Variants in LMNB1 observed in about 807,000 individuals in gnomAD.
LMNB1 encodes the protein lamin-B1.
Under a neutral mutation model 67.1 loss-of-function variants are expected in LMNB1, and 23 were observed. The ratio of observed to expected loss-of-function variants is 0.34; its 90% confidence interval spans 0.25 to 0.49. The LOEUF is 0.49. Ranked by LOEUF, LMNB1 falls within the 20% of genes least tolerant of loss-of-function variation. The pLI, the probability that LMNB1 is intolerant of heterozygous loss-of-function variation, is 0.99. For synonymous variants in LMNB1, 281 were observed against 282.9 expected (o/e 0.99, Z 0.07); for missense variants, 634 against 746.5 (o/e 0.85, Z 1.76).
At chr5:126,811,548 C>T (rs1751577264) in intron 4 of LMNB1, among the ~76,000 whole-genome samples, 1 of 152,002 alleles carries the variant, frequency 6.6e-6, no homozygotes, top group East Asian at 1.9e-4. Context: ...GGGTAAAGGC[C>T]TAGGTATATT....
chr5:126,833,197 C>G (rs1253716763), intron 10 of LMNB1, among the ~76,000 whole-genome samples: 2 of 152,154 alleles, frequency 1.3e-5, no homozygotes, highest in Admixed American at 6.5e-5. Flanking sequence ...AAGTAATATT[C>G]AACTTCAGTG....
chr5:126,795,815 C>T (rs922046226), intron 1 of LMNB1, among the ~76,000 whole-genome samples: 5 of 150,792 alleles, frequency 3.3e-5, no homozygotes, highest in African/African-American at 7.3e-5. Context: ...GTTAGTTAGA[C>T]GGGGCTTCAC....
At chr5:126,795,933 C>CT (rs70997314) in intron 1 of LMNB1, among the ~76,000 whole-genome samples, 2,986 of 82,062 alleles carry the variant, frequency 0.036, 271 homozygotes, top group Admixed American at 0.063. Context: ...GCCCAGGATG[C>CT]TTTTTTTTTT....
chr5:126,804,416 T>C (rs1751364634), intron 1 of LMNB1, among the ~76,000 whole-genome samples: 1 of 152,154 alleles, frequency 6.6e-6, no homozygotes, highest in African/African-American at 2.4e-5. Flanking sequence ...TTTTGGCTTA[T>C]AATATGCATT....
chr5:126,833,667 T>A, intron 10 of LMNB1, among the ~76,000 whole-genome samples: 1 of 152,244 alleles, frequency 6.6e-6, no homozygotes, highest in African/African-American at 2.4e-5. Flanking sequence ...ACAAGTTCCA[T>A]TTTCTGTGCT....
At chr5:126,783,371 ATATAAGAGTTATAAAACTAGTTTTCTT>A (rs759630050) in intron 1 of LMNB1, among the ~76,000 whole-genome samples, 11,908 of 151,802 alleles carry the variant, frequency 0.078, 528 homozygotes, top group Non-Finnish European at 0.1. Context: ...ATAACTTAAA[ATATAAGAGTTATAAAACTAGTTTTCTT>A]TATAAGAGTT....
At chr5:126,817,848 G>T (rs1415421171) in intron 5 of LMNB1, among the ~76,000 whole-genome samples, 4 of 152,070 alleles carry the variant, frequency 2.6e-5, no homozygotes, top group Admixed American at 6.6e-5. Flanking sequence ...GATTCTGAGG[G>T]CCTAAGCTAT....
chr5:126,787,546 A>ATATATATATATATTTTTTTTTTT, intron 1 of LMNB1, among the ~76,000 whole-genome samples: 2 of 65,574 alleles, frequency 3.0e-5, no homozygotes, highest in Non-Finnish European at 5.5e-5. Context: ...ATATATATAT[A>ATATATATATATATTTTTTTTTTT]TTTTTTTTTT....
rs1318710112 is a variant in LMNB1, at chr5:126,777,663, G to T, written c.155G>T (p.Ser52Ile). 2 of 1,545,004 alleles carry T rather than the reference G, an allele frequency of 1.3e-6. No individual in the cohort carries two copies. The highest frequency in any genetic ancestry group is 1.7e-6 in the Non-Finnish European group (2 of 1,144,938). The change falls in exon 1 of 11, where the codon AGC (serine) becomes ATC (isoleucine). Residue 52 changes from serine (S) to isoleucine (I), a missense_variant. Coordinates refer to ENST00000261366, the MANE Select transcript of LMNB1 (RefSeq NM_005573.4). ...GCGGTGTACATCGACAAGGTGCGCA[G>T]CCTGGAGACGGAGAACAGCGCGCTG... Reference protein sequence around the residue: ...RLAVYIDKVRSLETENSALQL... With the variant: ...RLAVYIDKVRILETENSALQL...
rs1369255162 is a variant in LMNB1, at chr5:126,805,624, T to C, written c.570T>C (p.Leu190=). The C allele has an allele frequency of 1.2e-6, 2 of 1,612,256 alleles. No individual in the cohort carries two copies. The highest frequency in any genetic ancestry group is 1.7e-6 in the Non-Finnish European group (2 of 1,178,506). ...AKKQLADETL[L]KVDLENRCQS... is the part of the protein sequence containing the mutation. ...AACAGTTAGCAGATGAAACTTTACTTAAAGTAGATTTGGAGAATCGTTGTC... is the reference window on the plus strand; with the variant it reads ...AACAGTTAGCAGATGAAACTTTACTCAAAGTAGATTTGGAGAATCGTTGTC... Residue 190 remains leucine (L), a synonymous_variant, in exon 3 of 11, where the codon CTT becomes CTC. Transcript: ENST00000261366.
intron 1 of LMNB1, among the ~76,000 whole-genome samples, chr5:126,786,980 A>C (rs1750803347): frequency 6.6e-6 from 1 of 152,190 alleles, no homozygotes; most frequent in African/African-American, 2.4e-5. Flanking sequence ...ACCTCTAAAT[A>C]AATCTTTAAT....
chr5:126,781,775 TAAG>T (rs1321457726), intron 1 of LMNB1, among the ~76,000 whole-genome samples: 3 of 152,178 alleles, frequency 2.0e-5, no homozygotes, highest in Non-Finnish European at 4.4e-5. Context: ...TGTTTGTAAT[TAAG>T]TATAATCATC....
chr5:126,797,132 G>A (rs1384641607), intron 1 of LMNB1, among the ~76,000 whole-genome samples: 3 of 152,106 alleles, frequency 2.0e-5, no homozygotes, highest in Admixed American at 2.0e-4. Context: ...ATTACACCTG[G>A]TTACTTGTTA....
chr5:126,788,438 AC>A (rs1750865500), intron 1 of LMNB1, among the ~76,000 whole-genome samples: 1 of 152,062 alleles, frequency 6.6e-6, no homozygotes, highest in Non-Finnish European at 1.5e-5. Context: ...GGAGTTTGAG[AC>A]CAGCCTGGGC....
intron 1 of LMNB1, among the ~76,000 whole-genome samples, chr5:126,792,566 G>GTTTTT (rs1750988563): frequency 7.2e-6 from 1 of 139,218 alleles, no homozygotes; most frequent in African/African-American, 2.8e-5. Flanking sequence ...AAGCACTAGG[G>GTTTTT]ATTTTTTTTT....
At chr5:126,784,318 C>T (rs1322024828) in intron 1 of LMNB1, among the ~76,000 whole-genome samples, 5 of 150,520 alleles carry the variant, frequency 3.3e-5, no homozygotes, top group Admixed American at 1.3e-4. Context: ...CGTGAGCCAC[C>T]GCACCTGGCC....
Position 126,823,577 on chromosome 5 carries a change from C to T in LMNB1, c.1491+692C>T, listed in dbSNP as rs559602452. On this transcript the variant is annotated intron_variant, in intron 8 of 10. Transcript: ENST00000261366. ...ACTTTGATACAGATTTCAAAGAAGT[C>T]ACTCTTTTCATCCTAAAAGAATGTA... Among the ~76,000 whole-genome samples, 4 of 152,288 alleles carry T rather than the reference C, an allele frequency of 2.6e-5. No individual in the cohort carries two copies. In the East Asian group the frequency reaches 7.7e-4, roughly 29 times the overall value.
At position 126,777,406 on chromosome 5, in the gene LMNB1, G is replaced by A; in HGVS notation, c.-103G>A. 2 of 1,215,296 alleles carry A rather than the reference G, an allele frequency of 1.6e-6. No individual in the cohort carries two copies. Among genetic ancestry groups the A allele is most frequent in the Non-Finnish European group, 2.1e-6 (2 of 969,366 alleles). The allele number at this position is 1,215,296 out of a possible 1,614,324, so 75.3% of individuals were successfully genotyped here. On this transcript the variant is annotated 5_prime_UTR_variant, in exon 1 of 11. Transcript: ENST00000261366. ...ACGCCAGCGTCTGGACGTGAGCGCA[G>A]GTCGCCGGTTTGTGCCTTCGGTCCC...
intron 1 of LMNB1, among the ~76,000 whole-genome samples, chr5:126,797,826 A>G (rs1378158247): frequency 6.6e-6 from 1 of 152,182 alleles, no homozygotes; most frequent in Non-Finnish European, 1.5e-5. Flanking sequence ...TGGTAATCGC[A>G]GCACTTCGGG....
Sources: gnomAD v4.1 joint callset for allele counts (sites outside exome capture counted in the v4.1 genomes callset) on GRCh38, gnomAD v4.1.1 for gene constraint, MANE v1.5 for transcripts, NCBI Gene and HGNC (gene_info 2026-07-23, HGNC 2026-07-21) for gene names.